Variants in INTS8 observed in about 807,000 individuals in gnomAD.
INTS8 encodes the protein protein kaonashi-1.
Under a neutral mutation model 138.9 loss-of-function variants are expected in INTS8, and 47 were observed. That is an observed-to-expected ratio of 0.34 (90% CI 0.27 to 0.43). The LOEUF (loss-of-function observed/expected upper bound fraction) is 0.43, where lower values mean the gene tolerates loss of function less well. Among genes scored for constraint, INTS8 ranks in the 20% least tolerant of loss-of-function variants. The pLI, the probability that INTS8 is intolerant of heterozygous loss-of-function variation, is 1.00. For missense variants in INTS8, 996 were observed against 1,173.0 expected (o/e 0.85, Z 2.20); for synonymous variants, 392 against 400.9 (o/e 0.98, Z 0.27).
chr8:94,823,685 A>T lies in INTS8; in HGVS notation c.130+124A>T, dbSNP rs574318023. 2.4e-5 allele frequency: 18 copies of T among 740,902 alleles called. No homozygotes were observed. The East Asian group carries it at 4.8e-4, about 20-fold the overall frequency. The allele number at this position is 740,902 out of a possible 1,614,324, so 45.9% of individuals were successfully genotyped here. On this transcript the variant is annotated intron_variant, in intron 1 of 26. Transcript: ENST00000523731. ...GCCTGGGAGGCGCGCACAGGAGCCC[A>T]GCTCCGGCCGGGCTCCTCGCTTCCC...
At chr8:94,856,664 G>A in intron 14 of INTS8, 113 bp from the exon 15 acceptor site, 2 of 827,096 alleles carry the variant, frequency 2.4e-6, no homozygotes, top group South Asian at 1.6e-5. Context: ...CCTGAGAAAA[G>A]CAACGTTAAC....
intron 22 of INTS8, 168 bp downstream of exon 22, chr8:94,873,645 C>G (rs1816479398): frequency 3.5e-6 from 2 of 569,144 alleles, no homozygotes; most frequent in Non-Finnish European, 3.2e-6. Flanking sequence ...ATTTCTAGCA[C>G]CTATTGCTGT....
intron 14 of INTS8, among the ~76,000 whole-genome samples, chr8:94,855,823 C>T (rs893110351): frequency 2.0e-5 from 3 of 152,308 alleles, no homozygotes; most frequent in South Asian, 2.1e-4. Flanking sequence ...CTCAGACTTC[C>T]GGTTCGAGAG....
intron 8 of INTS8, among the ~76,000 whole-genome samples, chr8:94,840,059 A>G (rs1417559215): frequency 1.3e-5 from 2 of 152,228 alleles, no homozygotes; most frequent in Admixed American, 1.3e-4. Context: ...AGACGGGGAA[A>G]ATAGGAATTT....
intron 21 of INTS8, among the ~76,000 whole-genome samples, chr8:94,873,091 C>G (rs186605165): frequency 4.6e-5 from 7 of 152,290 alleles, no homozygotes; most frequent in African/African-American, 1.4e-4. Flanking sequence ...CTATCAAGTT[C>G]AAGATATCAG....
In INTS8 at chr8:94,876,149, T is replaced by TA; in HGVS notation, c.2762+3dup. The TA allele has an allele frequency of 6.2e-7, 1 of 1,607,506 alleles. No individual in the cohort carries two copies. The highest frequency in any genetic ancestry group is 8.5e-7 in the Non-Finnish European group (1 of 1,174,462). On this transcript the variant is annotated splice_region_variant and intron_variant, in intron 24 of 26. Transcript: ENST00000523731. ...TAAATCTCTGCAAGAACAAAACAGG[T>TA]ATGAATAATATTTTAAAAATAATGA...
chr8:94,844,184 G>A (rs896731043), intron 10 of INTS8, among the ~76,000 whole-genome samples: 3 of 151,782 alleles, frequency 2.0e-5, no homozygotes, highest in East Asian at 1.9e-4. Flanking sequence ...GACTACGGGC[G>A]TGCGCTACCA....
chr8:94,847,127 C>T (rs749478088), intron 10 of INTS8, among the ~76,000 whole-genome samples: 7 of 152,112 alleles, frequency 4.6e-5, no homozygotes, highest in Non-Finnish European at 7.4e-5. Context: ...TACAACTTCC[C>T]TCTCCAGCTT....
At chr8:94,860,297 G>T (rs1316345896) in intron 16 of INTS8, 1 of 149,692 alleles carries the variant, frequency 6.7e-6, no homozygotes, top group East Asian at 2.0e-4. Flanking sequence ...AAAAAACAAA[G>T]TAGGCTGGGC....
intron 13 of INTS8, among the ~76,000 whole-genome samples, chr8:94,852,980 C>CT (rs530981648): frequency 1.1e-4 from 17 of 151,598 alleles, no homozygotes; most frequent in South Asian, 6.3e-4. Flanking sequence ...ATTAGTTGGG[C>CT]TTTTTTTTAG....
At chr8:94,836,748 C>A (rs984023488) in intron 7 of INTS8, 117 bp downstream of exon 7, 9 of 613,766 alleles carry the variant, frequency 1.5e-5, no homozygotes, top group African/African-American at 1.3e-4. Context: ...GTGTGATGTT[C>A]AAGAAAGTAC....
Position 94,854,500 on chromosome 8 carries a change from A to G in INTS8, c.1752+585A>G, listed in dbSNP as rs575004052. On this transcript the variant is annotated intron_variant, in intron 14 of 26. Transcript: ENST00000523731. ...CTAGTAAAGATTGTGTACCAAGATT[A>G]AAAAACAAACTTTCTAAAAATATAC... Among the ~76,000 whole-genome samples the G allele has an allele frequency of 2.6e-5, 4 of 152,354 alleles. No homozygotes were observed. In the East Asian group the frequency reaches 7.7e-4, roughly 29 times the overall value.
intron 22 of INTS8, 59 bp downstream of exon 22, chr8:94,873,536 T>A (rs781066745): frequency 1.2e-5 from 13 of 1,121,012 alleles, no homozygotes; most frequent in Non-Finnish European, 1.6e-5. Context: ...TCTTCCTGGG[T>A]CCCCTTTTGG....
chr8:94,831,252 T>A (rs1381091693), intron 5 of INTS8, among the ~76,000 whole-genome samples: 1 of 152,068 alleles, frequency 6.6e-6, no homozygotes, highest in Non-Finnish European at 1.5e-5. Flanking sequence ...TAGCTGGGAT[T>A]ACAAGTGTAT....
At chr8:94,845,909 G>A (rs1046777771) in intron 10 of INTS8, among the ~76,000 whole-genome samples, 1 of 151,990 alleles carries the variant, frequency 6.6e-6, no homozygotes, top group Non-Finnish European at 1.5e-5. Flanking sequence ...TTTTATGGGC[G>A]GCCTCCTAAG....
At position 94,856,887 on chromosome 8, in the gene INTS8, T is replaced by C. The variant is rs981157680; in HGVS notation, c.1863T>C (p.His621=). 5.0e-6 allele frequency: 8 copies of C among 1,613,974 alleles called. No individual in the cohort carries two copies. The highest frequency in any genetic ancestry group is 6.8e-6 in the Non-Finnish European group (8 of 1,180,020). ...ATGAGATGTTGCTTTTGGATATTCA[T>C]ACACACGAAGCTGGGACAGGGCAGG... is the stretch of plus-strand genomic sequence containing the variant. ...MLNEMLLLDI[H]THEAGTGQAG... is the part of the protein sequence containing the mutation. Residue 621 remains histidine (H), a synonymous_variant, in exon 15 of 27, where the codon CAT becomes CAC. Transcript: ENST00000523731.
chr8:94,853,835 A>G lies in INTS8; in HGVS notation c.1672A>G (p.Ile558Val). Residue 558 changes from isoleucine to valine, a missense_variant, in exon 14 of 27, where the codon ATC (isoleucine) becomes GTC (valine). Transcript: ENST00000523731. ...WEVPSVYSGV[I>V]LGIKDNLTRD... is the part of the protein sequence containing the mutation. Reference sequence around the variant, plus strand: ...AGTACCTTCTGTCTATAGTGGTGTTATCCTGGGAATTAAAGACAATTTAAC... The same window carrying G: ...AGTACCTTCTGTCTATAGTGGTGTTGTCCTGGGAATTAAAGACAATTTAAC... 6.2e-7 allele frequency: 1 copy of G among 1,610,524 alleles called. No individual in the cohort carries two copies. Among genetic ancestry groups the G allele is most frequent in the Admixed American group, 1.7e-5 (1 of 60,012 alleles).
Position 94,860,914 on chromosome 8 carries a change from G to A in INTS8, c.2076+1282G>A, listed in dbSNP as rs187918658. 7.3e-3 allele frequency among the ~76,000 whole-genome samples: 1,099 copies of A among 151,514 alleles called. 6 individuals are homozygous for A. The highest frequency in any genetic ancestry group is 0.025 in the African/African-American group (1,046 of 41,340). ...ACTAAAAATACAAAAAAAATTAGCC[G>A]GGCGTAGTGGCGGGCTCCTGTAGTC... On this transcript the variant is annotated intron_variant, in intron 16 of 26. Transcript: ENST00000523731.
intron 10 of INTS8, among the ~76,000 whole-genome samples, chr8:94,848,321 T>A (rs942295053): frequency 6.6e-6 from 1 of 152,114 alleles, no homozygotes; most frequent in Admixed American, 6.6e-5. Context: ...CCTGTTTTTT[T>A]AATAACAGTT....
Sources: gnomAD v4.1 joint callset for allele counts (sites outside exome capture counted in the v4.1 genomes callset) on GRCh38, gnomAD v4.1.1 for gene constraint, MANE v1.5 for transcripts, NCBI Gene and HGNC (gene_info 2026-07-23, HGNC 2026-07-21) for gene names.